DNAJC15: variants seen among roughly 807,000 people sequenced by gnomAD.
The protein encoded by DNAJC15 is dnaJ homolog subfamily C member 15.
DNAJC15 carries 27 observed loss-of-function variants against 22.4 expected under a neutral mutation model. The observed-to-expected ratio is 1.20, with a 90% confidence interval of 0.89 to 1.66. The LOEUF (loss-of-function observed/expected upper bound fraction) is 1.66. Among genes scored for constraint, DNAJC15 ranks in the 40% most tolerant of loss-of-function variants. The pLI is 0.00. For synonymous variants in DNAJC15, 79 were observed against 63.2 expected, an observed-to-expected ratio of 1.25 and a Z score of -1.19; for missense variants, 208 against 187.1, an observed-to-expected ratio of 1.11 and a Z score of -0.65.
chr13:43,057,106 AT>A (rs1423279534), intron 1 of DNAJC15, among the ~76,000 whole-genome samples: 1 of 152,016 alleles, frequency 6.6e-6, no homozygotes, highest in South Asian at 2.1e-4. Flanking sequence ...TTTGCAATGA[AT>A]TTTCCAGGTG....
At chr13:43,048,521 A>G (rs1026548215) in intron 1 of DNAJC15, among the ~76,000 whole-genome samples, 8 of 152,190 alleles carry the variant, frequency 5.3e-5, no homozygotes, top group African/African-American at 1.9e-4. Flanking sequence ...AAAAGCTTAA[A>G]TACCCTTGTC....
chr13:43,029,614 G>T, intron 1 of DNAJC15, among the ~76,000 whole-genome samples: 1 of 151,922 alleles, frequency 6.6e-6, no homozygotes, highest in Admixed American at 6.6e-5. Context: ...ATTCATGGTA[G>T]TGGAACATTT....
intron 5 of DNAJC15, among the ~76,000 whole-genome samples, chr13:43,090,950 C>T: frequency 6.6e-6 from 1 of 152,024 alleles, no homozygotes; most frequent in East Asian, 1.9e-4. Flanking sequence ...GATCCACCCA[C>T]CTTGGCCTCC....
At chr13:43,091,166 C>T (rs1466845275) in intron 5 of DNAJC15, among the ~76,000 whole-genome samples, 1 of 151,724 alleles carries the variant, frequency 6.6e-6, no homozygotes, top group Non-Finnish European at 1.5e-5. Flanking sequence ...CTCACTGCAA[C>T]CTCCACCTCC....
chr13:43,068,856 T>C (rs2040595147), intron 2 of DNAJC15, 74 bp from the exon 3 acceptor site: 1 of 1,238,972 alleles, frequency 8.1e-7, no homozygotes, highest in Admixed American at 2.0e-5. Flanking sequence ...TAAATACTGT[T>C]GCAAGCACTT....
At chr13:43,078,012 G>A (rs183672399) in intron 3 of DNAJC15, among the ~76,000 whole-genome samples, 12 of 152,258 alleles carry the variant, frequency 7.9e-5, no homozygotes, top group African/African-American at 2.4e-4. Flanking sequence ...TTATTCCAGT[G>A]CTCTGGCTTC....
Position 43,090,163 on chromosome 13 carries a change from C to T in DNAJC15, c.382+4325C>T, listed in dbSNP as rs78141015. ...GAAGAGGTTCAGAGGGCCCCCTTAA[C>T]AGCATAAGCAGCAAGCTTTTATAGG... On this transcript the variant is annotated intron_variant, in intron 5 of 5. Coordinates refer to ENST00000379221, the MANE Select transcript of DNAJC15 (RefSeq NM_013238.3). Among the ~76,000 whole-genome samples, 111 of 152,292 alleles carry T rather than the reference C, an allele frequency of 7.3e-4. 1 individual carries two copies. The East Asian group carries it at 0.021, about 29-fold the overall frequency.
chr13:43,094,158 A>G (rs2040728543), intron 5 of DNAJC15, among the ~76,000 whole-genome samples: 1 of 152,266 alleles, frequency 6.6e-6, no homozygotes, highest in African/African-American at 2.4e-5. Context: ...GGTCTATTAT[A>G]TTAAAATCTA....
rs1447204161 is a variant in DNAJC15 at position 43,109,359 on chromosome 13, A to G, written c.*2111A>G. 6.6e-6 allele frequency: 1 copy of G among 152,222 alleles called. No individual in the cohort carries two copies. Among genetic ancestry groups the G allele is most frequent in the Non-Finnish European group, 1.5e-5 (1 of 68,046 alleles). 9.4% of individuals were successfully genotyped at this position (152,222 alleles called of 1,614,324 possible). A position where few individuals can be genotyped will look rare whatever the true frequency, so the allele number is the denominator to read the frequency against. ...TCTGGAGCACTTGCATTTAGCAGGC[A>G]TCATAAAGTTTTACGTACCAAGAAA... is the stretch of plus-strand genomic sequence containing the variant. On this transcript the variant is annotated 3_prime_UTR_variant, in exon 6 of 6. Coordinates refer to ENST00000379221, the MANE Select transcript of DNAJC15 (RefSeq NM_013238.3).
intron 5 of DNAJC15, among the ~76,000 whole-genome samples, chr13:43,087,872 G>A (rs1234780712): frequency 2.6e-5 from 4 of 152,208 alleles, no homozygotes; most frequent in African/African-American, 7.2e-5. Context: ...GCATTCAGAC[G>A]TATTTTGGTA....
chr13:43,040,315 T>G (rs2040447636), intron 1 of DNAJC15, among the ~76,000 whole-genome samples: 1 of 152,232 alleles, frequency 6.6e-6, no homozygotes, highest in Non-Finnish European at 1.5e-5. Context: ...TTAAAATATT[T>G]TTTCTGGCTT....
At chr13:43,042,551 C>G (rs1028189285) in intron 1 of DNAJC15, among the ~76,000 whole-genome samples, 1 of 152,034 alleles carries the variant, frequency 6.6e-6, no homozygotes, top group Non-Finnish European at 1.5e-5. Context: ...GCTCCAGCTC[C>G]CAAACTGAAA....
intron 5 of DNAJC15, among the ~76,000 whole-genome samples, chr13:43,101,320 T>C (rs2762161): frequency 0.96 from 146,644 of 152,342 alleles, 70,815 homozygotes; most frequent in Non-Finnish European, 1. Context: ...TGAGCCACTG[T>C]ACCTGGCTGG....
chr13:43,029,729 G>A (rs1381565575), intron 1 of DNAJC15, among the ~76,000 whole-genome samples: 1 of 151,996 alleles, frequency 6.6e-6, no homozygotes, highest in Non-Finnish European at 1.5e-5. Context: ...TGGCCCATTT[G>A]TTGATCTGCT....
At chr13:43,062,185 T>C (rs2040562365) in intron 1 of DNAJC15, among the ~76,000 whole-genome samples, 1 of 152,138 alleles carries the variant, frequency 6.6e-6, no homozygotes, top group South Asian at 2.1e-4. Flanking sequence ...CTGTTATTCA[T>C]CCAGGTGACA....
At chr13:43,035,859 C>T (rs150690745) in intron 1 of DNAJC15, among the ~76,000 whole-genome samples, 14 of 151,812 alleles carry the variant, frequency 9.2e-5, no homozygotes, top group African/African-American at 3.4e-4. Flanking sequence ...GAGCTGGGAC[C>T]ACAGGAGTGT....
intron 3 of DNAJC15, among the ~76,000 whole-genome samples, chr13:43,073,212 G>T (rs1180273157): frequency 6.6e-6 from 1 of 152,226 alleles, no homozygotes; most frequent in African/African-American, 2.4e-5. Context: ...GAATGACAGT[G>T]TTGACAGTGG....
At chr13:43,049,988 G>A (rs982202269) in intron 1 of DNAJC15, among the ~76,000 whole-genome samples, 1 of 152,062 alleles carries the variant, frequency 6.6e-6, no homozygotes, top group African/African-American at 2.4e-5. Flanking sequence ...CATGATAATC[G>A]GCACACTGCA....
chr13:43,061,555 T>G (rs778367180), intron 1 of DNAJC15, among the ~76,000 whole-genome samples: 118 of 152,308 alleles, frequency 7.7e-4, no homozygotes, highest in Middle Eastern at 3.4e-3. Flanking sequence ...CCTTGCATAG[T>G]GAGGAAACCT....
Sources: gnomAD v4.1 joint callset for allele counts (sites outside exome capture counted in the v4.1 genomes callset) on GRCh38, gnomAD v4.1.1 for gene constraint, MANE v1.5 for transcripts, NCBI Gene and HGNC (gene_info 2026-07-23, HGNC 2026-07-21) for gene names.